NRXN1: variants seen among roughly 807,000 people sequenced by gnomAD.
NRXN1 encodes neurexin 1.
NRXN1 carries 39 observed loss-of-function variants against 150.9 expected under a neutral mutation model. That is an observed-to-expected ratio of 0.26 (90% CI 0.20 to 0.34). The LOEUF is 0.34. NRXN1 is among the 10% of genes least tolerant of loss of function. NRXN1 has a pLI of 1.00. For synonymous variants in NRXN1, 924 were observed against 757.0 expected (o/e 1.22, Z -3.62); for missense variants, 1,815 against 1,949.9 (o/e 0.93, Z 1.30).
chr2:50,307,338 A>G (rs1421256042), intron 17 of NRXN1, among the ~76,000 whole-genome samples: 1 of 152,148 alleles, frequency 6.6e-6, no homozygotes, highest in South Asian at 2.1e-4. Context: ...AAGCTTAGAG[A>G]CATGTCAAAT....
At chr2:50,821,965 G>A (rs913764794) in intron 5 of NRXN1, among the ~76,000 whole-genome samples, 3 of 151,948 alleles carry the variant, frequency 2.0e-5, no homozygotes, top group Non-Finnish European at 4.4e-5. Context: ...AGAATGAAAA[G>A]GACGTATACT....
At chr2:49,931,389 C>T (rs1479395458) in intron 22 of NRXN1, among the ~76,000 whole-genome samples, 3 of 152,026 alleles carry the variant, frequency 2.0e-5, no homozygotes, top group African/African-American at 4.8e-5. Context: ...GTCACTTAAT[C>T]CCAATGACTA....
At chr2:50,653,844 G>C (rs1685990407) in intron 5 of NRXN1, among the ~76,000 whole-genome samples, 1 of 151,776 alleles carries the variant, frequency 6.6e-6, no homozygotes, top group Non-Finnish European at 1.5e-5. Context: ...TTAGAACCTA[G>C]CTGTGATCAT....
intron 17 of NRXN1, among the ~76,000 whole-genome samples, chr2:50,382,903 C>T (rs1818716): frequency 6.6e-6 from 1 of 151,896 alleles, no homozygotes; most frequent in Admixed American, 6.6e-5. Context: ...CTTCTTGAGC[C>T]GCCTCAGGTT....
chr2:50,720,601 G>C (rs972294599), intron 5 of NRXN1, among the ~76,000 whole-genome samples: 2 of 152,104 alleles, frequency 1.3e-5, no homozygotes, highest in East Asian at 1.9e-4. Context: ...GTGTTTTCCA[G>C]AACACAAAAG....
At chr2:50,491,329 G>A (rs1193200077) in intron 15 of NRXN1, among the ~76,000 whole-genome samples, 2 of 152,200 alleles carry the variant, frequency 1.3e-5, no homozygotes, top group African/African-American at 2.4e-5. Flanking sequence ...ACTGGTCAGA[G>A]ATCAAGAAGA....
At chr2:50,727,284 C>CAA (rs1697488009) in intron 5 of NRXN1, among the ~76,000 whole-genome samples, 2 of 152,252 alleles carry the variant, frequency 1.3e-5, no homozygotes, top group South Asian at 4.1e-4. Flanking sequence ...TTATTCTAAG[C>CAA]AAAATTCCAG....
chr2:50,571,888 T>G (rs572086760), intron 8 of NRXN1, among the ~76,000 whole-genome samples: 11 of 152,100 alleles, frequency 7.2e-5, no homozygotes, highest in African/African-American at 2.4e-4. Context: ...CCTAAGAACA[T>G]CCAGATAAAA....
chr2:50,472,827 GTGTATATA>G (rs1332837983), intron 15 of NRXN1, among the ~76,000 whole-genome samples: 1 of 77,740 alleles, frequency 1.3e-5, no homozygotes, highest in Non-Finnish European at 3.4e-5. Flanking sequence ...GTGTGTGTGT[GTGTATATA>G]TATATATAAG....
intron 9 of NRXN1, 105 bp downstream of exon 9, chr2:50,552,482 C>A (rs1487389234): frequency 1.8e-5 from 15 of 816,690 alleles, no homozygotes; most frequent in East Asian, 1.2e-4. Context: ...GCTAAAGAAA[C>A]AAATGCAGGA....
chr2:50,112,179 C>T (rs544888201), intron 18 of NRXN1, among the ~76,000 whole-genome samples: 6 of 152,334 alleles, frequency 3.9e-5, no homozygotes, highest in South Asian at 2.1e-4. Flanking sequence ...TAACCACCCC[C>T]TCCAGATCTC....
intron 17 of NRXN1, among the ~76,000 whole-genome samples, chr2:50,244,920 T>G (rs2066360672): frequency 2.6e-5 from 4 of 151,726 alleles, no homozygotes; most frequent in South Asian, 4.1e-4. Flanking sequence ...CCTAAGATTA[T>G]CAGAAAAAAA....
At chr2:50,558,114 C>T (rs1056905687) in intron 8 of NRXN1, among the ~76,000 whole-genome samples, 2 of 152,144 alleles carry the variant, frequency 1.3e-5, no homozygotes, top group African/African-American at 4.8e-5. Flanking sequence ...TTCTGGCAGG[C>T]CCTCTTATAA....
chr2:50,132,430 C>T (rs1043255355), intron 18 of NRXN1, among the ~76,000 whole-genome samples: 6 of 151,438 alleles, frequency 4.0e-5, no homozygotes, highest in Admixed American at 2.6e-4. Context: ...CTCAGCCTTC[C>T]GAGTATCTGG....
intron 8 of NRXN1, among the ~76,000 whole-genome samples, chr2:50,614,213 C>A (rs1573794376): frequency 6.6e-6 from 1 of 152,138 alleles, no homozygotes; most frequent in Middle Eastern, 3.4e-3. Context: ...GAAATGAAAA[C>A]CTGGGGATAA....
chr2:50,483,807 G>C (rs185033384), intron 15 of NRXN1, among the ~76,000 whole-genome samples: 1 of 152,170 alleles, frequency 6.6e-6, no homozygotes, highest in Non-Finnish European at 1.5e-5. Flanking sequence ...AGAAATGACT[G>C]TTCTGGAAAT....
chr2:50,535,976 G>T (rs973985279), intron 10 of NRXN1, among the ~76,000 whole-genome samples: 1 of 152,148 alleles, frequency 6.6e-6, no homozygotes, highest in Admixed American at 6.5e-5. Context: ...AACTTCAAGA[G>T]TTGTCAACTC....
chr2:50,265,486 T>G (rs1453676170), intron 17 of NRXN1, among the ~76,000 whole-genome samples: 1 of 152,168 alleles, frequency 6.6e-6, no homozygotes, highest in Non-Finnish European at 1.5e-5. Context: ...CTACTGTGAT[T>G]ACATCATGAC....
chr2:50,874,239 T>A (rs1322068290), intron 5 of NRXN1, among the ~76,000 whole-genome samples: 1 of 151,834 alleles, frequency 6.6e-6, no homozygotes, highest in Non-Finnish European at 1.5e-5. Context: ...TTACAAGGAA[T>A]AGTTAATTCC....
Sources: allele counts gnomAD v4.1 joint callset (sites outside exome capture counted in the v4.1 genomes callset), GRCh38; gene constraint gnomAD v4.1.1; transcripts MANE v1.5; gene names NCBI Gene and HGNC (gene_info 2026-07-23, HGNC 2026-07-21).